POLK: variants seen among roughly 807,000 people sequenced by gnomAD.
POLK encodes the protein DNA polymerase kappa.
Under a neutral mutation model 94.0 loss-of-function variants are expected in POLK, and 76 were observed. The ratio of observed to expected loss-of-function variants is 0.81; its 90% CI spans 0.67 to 0.98. POLK has a LOEUF of 0.98. Among genes scored for constraint, POLK ranks in the 50% least tolerant of loss-of-function variants. The pLI, the probability that POLK is intolerant of heterozygous loss-of-function variation, is 0.00. For synonymous variants in POLK, 349 were observed against 325.4 expected, an observed-to-expected ratio of 1.07 and a Z score of -0.78; for missense variants, 954 against 1,010.1, an observed-to-expected ratio of 0.94 and a Z score of 0.75.
intron 11 of POLK, among the ~76,000 whole-genome samples, chr5:75,593,186 C>CA (rs1180074628): frequency 6.6e-6 from 1 of 151,974 alleles, no homozygotes; most frequent in African/African-American, 2.4e-5. Context: ...GGCTGGAGTG[C>CA]AATGGTGTGA....
intron 4 of POLK, among the ~76,000 whole-genome samples, chr5:75,569,768 A>G (rs1771490135): frequency 6.6e-6 from 1 of 152,182 alleles, no homozygotes; most frequent in African/African-American, 2.4e-5. Context: ...CTTCGTCTGT[A>G]TTTACAACCA....
intron 3 of POLK, among the ~76,000 whole-genome samples, chr5:75,556,670 A>T (rs1002244876): frequency 2.0e-5 from 3 of 148,146 alleles, no homozygotes; most frequent in Non-Finnish European, 3.0e-5. Context: ...TCTGTGATTC[A>T]TTTGAGTTCA....
chr5:75,547,806 G>A (rs536265540), intron 2 of POLK, among the ~76,000 whole-genome samples: 1 of 152,270 alleles, frequency 6.6e-6, no homozygotes, highest in Admixed American at 6.5e-5. Flanking sequence ...AAATATCTGA[G>A]AGTATGTATT....
At chr5:75,584,788 A>C (rs772666412) in exon 9 of POLK, 1 of 1,564,500 alleles carries the variant, frequency 6.4e-7, no homozygotes, top group African/African-American at 1.4e-5. Context: ...GTTACAGAGA[A>C]AATGTTAAAG....
At chr5:75,559,715 T>G (rs1339108379) in intron 3 of POLK, among the ~76,000 whole-genome samples, 1 of 151,696 alleles carries the variant, frequency 6.6e-6, no homozygotes, top group Non-Finnish European at 1.5e-5. Flanking sequence ...ATTTTTAAAA[T>G]TTTTCGTAGA....
At chr5:75,510,908 G>C (rs1001303488), upstream of POLK, among the ~76,000 whole-genome samples, 1 of 152,054 alleles carries the variant, frequency 6.6e-6, no homozygotes, top group Admixed American at 6.5e-5. Context: ...CCCTTTCCCT[G>C]GTCCTCGGCT....
At chr5:75,577,783 C>A (rs1771973921) in intron 6 of POLK, among the ~76,000 whole-genome samples, 1 of 152,184 alleles carries the variant, frequency 6.6e-6, no homozygotes, top group Non-Finnish European at 1.5e-5. Context: ...ATTTGTGACT[C>A]ACATCATTTG....
chr5:75,583,397 A>G, exon 8 of POLK: 1 of 1,602,418 alleles, frequency 6.2e-7, no homozygotes. Flanking sequence ...GGACTTCATC[A>G]AGGATTTACC....
At chr5:75,518,885 C>T (rs1396529671) in intron 1 of POLK, among the ~76,000 whole-genome samples, 1 of 152,148 alleles carries the variant, frequency 6.6e-6, no homozygotes, top group Non-Finnish European at 1.5e-5. Flanking sequence ...CACTTTGTCA[C>T]CTAGGTTGGA....
At chr5:75,592,525 C>G (rs1277172821) in intron 11 of POLK, among the ~76,000 whole-genome samples, 2 of 151,200 alleles carry the variant, frequency 1.3e-5, no homozygotes, top group African/African-American at 4.9e-5. Context: ...ACCAGCCTGG[C>G]CAACATGGTG....
the POLK span, chr5:75,609,507 A>T: frequency 6.6e-6 from 1 of 152,014 alleles, no homozygotes; most frequent in Non-Finnish European, 1.5e-5. Context: ...CTTTCCATTG[A>T]TCTGCTGCTG....
chr5:75,521,375 T>C (rs1768578368), intron 1 of POLK, among the ~76,000 whole-genome samples: 1 of 152,164 alleles, frequency 6.6e-6, no homozygotes, highest in South Asian at 2.1e-4. Flanking sequence ...CACTATGTTG[T>C]TGAGAGCCTC....
At chr5:75,580,149 T>A (rs898719947) in intron 6 of POLK, among the ~76,000 whole-genome samples, 2 of 152,082 alleles carry the variant, frequency 1.3e-5, no homozygotes, top group African/African-American at 4.8e-5. Context: ...TCTTTAAAAT[T>A]TTTTCCTAAA....
intron 1 of POLK, among the ~76,000 whole-genome samples, chr5:75,518,321 T>C (rs1462778002): frequency 6.6e-6 from 1 of 152,174 alleles, no homozygotes; most frequent in African/African-American, 2.4e-5. Context: ...TATTACTTAC[T>C]GGTCTGTTCA....
At chr5:75,597,334 A>G (rs1773146195) in intron 13 of POLK, 156 bp downstream of exon 13, 1 of 583,746 alleles carries the variant, frequency 1.7e-6, no homozygotes, top group Admixed American at 3.0e-5. Context: ...CATAGGTTAG[A>G]ATTAACTCAA....
At chr5:75,544,528 G>A (rs1416627011) in intron 1 of POLK, among the ~76,000 whole-genome samples, 1 of 152,130 alleles carries the variant, frequency 6.6e-6, no homozygotes, top group East Asian at 1.9e-4. Flanking sequence ...TGTAGTTCAA[G>A]CTACTTGGGA....
chr5:75,584,863 C>T (rs547011939), exon 9 of POLK: 2 of 1,607,298 alleles, frequency 1.2e-6, no homozygotes, highest in South Asian at 2.2e-5. Context: ...CTCCTTTTCT[C>T]TGAAACATCT....
At chr5:75,609,310 C>T in the POLK span, 2 of 151,896 alleles carry the variant, frequency 1.3e-5, no homozygotes, top group South Asian at 2.1e-4. Context: ...ATCACGCAGA[C>T]TGGCACACAG....
At chr5:75,569,626 C>CA in intron 4 of POLK, 134 bp downstream of exon 4, 1 of 695,976 alleles carries the variant, frequency 1.4e-6, no homozygotes, top group South Asian at 2.0e-5. Context: ...ATATATGACT[C>CA]AATTACTGAA....
Sources: allele counts gnomAD v4.1 joint callset (sites outside exome capture counted in the v4.1 genomes callset), GRCh38; gene constraint gnomAD v4.1.1; transcripts MANE v1.5; gene names NCBI Gene and HGNC (gene_info 2026-07-23, HGNC 2026-07-21).